CCDC125: variants seen among roughly 807,000 people sequenced by gnomAD.
CCDC125 encodes the protein coiled-coil domain-containing protein 125.
In CCDC125, 43 loss-of-function variants were observed where a neutral mutation model predicts 57.4. The observed-to-expected ratio is 0.75, with a 90% confidence interval of 0.59 to 0.97. The LOEUF (loss-of-function observed/expected upper bound fraction) is 0.97, where lower values mean the gene tolerates loss of function less well. Ranked by LOEUF, CCDC125 falls within the 50% of genes least tolerant of loss-of-function variation. The probability of loss-of-function intolerance (pLI) is 0.00; values close to 1 mark genes in which losing one functional copy is unlikely to be tolerated. For synonymous variants in CCDC125, 187 were observed against 195.2 expected, an observed-to-expected ratio of 0.96 and a Z score of 0.35; for missense variants, 563 against 595.7, an observed-to-expected ratio of 0.95 and a Z score of 0.57.
At chr5:69,323,489 G>T (rs911567928) in intron 1 of CCDC125, among the ~76,000 whole-genome samples, 6 of 151,930 alleles carry the variant, frequency 3.9e-5, no homozygotes, top group Non-Finnish European at 8.8e-5. Flanking sequence ...TCTGAGTCCT[G>T]CAAATTCGTC....
At chr5:69,329,959 T>C (rs12187268) in intron 1 of CCDC125, among the ~76,000 whole-genome samples, 54,547 of 152,088 alleles carry the variant, frequency 0.36, 10,736 homozygotes, top group East Asian at 0.5. Flanking sequence ...GATTACAGTC[T>C]GTTAGCAGTC....
chr5:69,273,305 T>G, the CCDC125 span, among the ~76,000 whole-genome samples: 4 of 148,080 alleles, frequency 2.7e-5, no homozygotes, highest in Non-Finnish European at 5.9e-5. Flanking sequence ...CTATTTCACA[T>G]AATTGGCTTG....
chr5:69,309,100 A>T (rs1307271812), intron 4 of CCDC125: 1 of 152,252 alleles, frequency 6.6e-6, no homozygotes, highest in Non-Finnish European at 1.5e-5. Flanking sequence ...AGGGAAGCAC[A>T]GCATAAAAGT....
intron 10 of CCDC125, among the ~76,000 whole-genome samples, chr5:69,286,138 T>C (rs1027632226): frequency 7.2e-6 from 1 of 139,364 alleles, no homozygotes; most frequent in Admixed American, 7.6e-5. Context: ...GAAGGTTACA[T>C]TACAATGTGA....
intron 10 of CCDC125, among the ~76,000 whole-genome samples, chr5:69,291,099 T>A (rs1478106424): frequency 6.6e-6 from 1 of 152,220 alleles, no homozygotes; most frequent in South Asian, 2.1e-4. Context: ...AGAATTTTTC[T>A]ACAAAACATT....
At chr5:69,275,406 G>C (rs1240135290), downstream of CCDC125, among the ~76,000 whole-genome samples, 4 of 152,080 alleles carry the variant, frequency 2.6e-5, no homozygotes, top group East Asian at 5.8e-4. Flanking sequence ...TGGCCAACTT[G>C]TAAGTTCTTT....
intron 10 of CCDC125, among the ~76,000 whole-genome samples, chr5:69,286,380 C>T (rs975881709): frequency 3.3e-5 from 5 of 150,756 alleles, no homozygotes; most frequent in Admixed American, 6.6e-5. Flanking sequence ...TACAGGCGCC[C>T]GCCACCACGT....
the CCDC125 span, among the ~76,000 whole-genome samples, chr5:69,275,064 CAAAA>C: frequency 9.3e-6 from 1 of 107,084 alleles, no homozygotes; most frequent in African/African-American, 3.1e-5. Flanking sequence ...ACTCTGTATC[CAAAA>C]AAAAAAAAAA....
At position 69,286,345 on chromosome 5, in the gene CCDC125, C is replaced by T. The variant is rs376712990; in HGVS notation, c.1100-878G>A. Among the ~76,000 whole-genome samples the T allele has an allele frequency of 4.6e-4, 69 of 150,568 alleles. No individual in the cohort carries two copies. The East Asian group carries it at 7.6e-3, about 17-fold the overall frequency. ...CTCCCGGGTTCGCGCCATTCTCCTG[C>T]CTCAGCCTCCCGAGTAGCTGGGACT... On this transcript the variant is annotated intron_variant, in intron 10 of 11. Transcript: ENST00000396496.
At chr5:69,302,912 A>G (rs757853492) in intron 7 of CCDC125, among the ~76,000 whole-genome samples, 3 of 152,166 alleles carry the variant, frequency 2.0e-5, no homozygotes, top group Non-Finnish European at 4.4e-5. Flanking sequence ...TAAAAAGGAG[A>G]AAATGGGGAG....
intron 11 of CCDC125, among the ~76,000 whole-genome samples, chr5:69,285,056 C>T (rs1753088674): frequency 2.0e-5 from 3 of 152,010 alleles, no homozygotes; most frequent in African/African-American, 4.8e-5. Flanking sequence ...GAGATCGCGC[C>T]GCTGCACTCC....
chr5:69,322,408 A>T (rs1760170437), intron 1 of CCDC125, among the ~76,000 whole-genome samples: 2 of 151,966 alleles, frequency 1.3e-5, no homozygotes, highest in Admixed American at 1.3e-4. Context: ...TGGTTCCAGG[A>T]CCCCTGTGTA....
At chr5:69,301,061 T>C (rs1263109615) in intron 7 of CCDC125, among the ~76,000 whole-genome samples, 1 of 135,968 alleles carries the variant, frequency 7.4e-6, no homozygotes, top group African/African-American at 2.8e-5. Flanking sequence ...GCCATTGCAC[T>C]CTAGCCTGGG....
chr5:69,292,306 T>C lies in CCDC125; in HGVS notation c.981A>G (p.Arg327=). Residue 327 remains arginine (R), a synonymous_variant, in exon 10 of 12, where the codon AGA becomes AGG. Coordinates refer to ENST00000396496, the MANE Select transcript of CCDC125 (RefSeq NM_176816.5). ...EEAYVMADAF[R]IAFEQQLMRK... is the part of the protein sequence containing the mutation. ...TCATTAATTGTTGCTCAAATGCAAT[T>C]CTGAAAGCATCTGCCATCACGTAAG... is the stretch of plus-strand genomic sequence containing the variant. The C allele has an allele frequency of 1.2e-6, 2 of 1,613,932 alleles. No individual in the cohort carries two copies. Among genetic ancestry groups the C allele is most frequent in the Non-Finnish European group, 1.7e-6 (2 of 1,179,922 alleles).
At chr5:69,284,408 G>A (rs1479241593) in intron 11 of CCDC125, among the ~76,000 whole-genome samples, 1 of 152,076 alleles carries the variant, frequency 6.6e-6, no homozygotes, top group Non-Finnish European at 1.5e-5. Flanking sequence ...GGACTGTAAA[G>A]GATATAATGT....
chr5:69,296,630 A>T (rs1343565582), intron 8 of CCDC125, among the ~76,000 whole-genome samples: 1 of 152,124 alleles, frequency 6.6e-6, no homozygotes, highest in Non-Finnish European at 1.5e-5. Context: ...GAAGAAAAGT[A>T]GTATAATAAT....
At chr5:69,306,997 T>C in intron 5 of CCDC125, 95 bp from the exon 6 acceptor site, 2 of 1,286,122 alleles carry the variant, frequency 1.6e-6, no homozygotes, top group Admixed American at 6.4e-5. Context: ...TAATCAGTTC[T>C]CAGAAATGGT....
chr5:69,283,782 C>G (rs1285969622), intron 11 of CCDC125, among the ~76,000 whole-genome samples: 1 of 144,206 alleles, frequency 6.9e-6, no homozygotes, highest in Non-Finnish European at 1.5e-5. Context: ...GCCACCATGC[C>G]AGGCTGACAA....
At chr5:69,327,958 G>A (rs1760937078) in intron 1 of CCDC125, among the ~76,000 whole-genome samples, 3 of 152,258 alleles carry the variant, frequency 2.0e-5, no homozygotes, top group Middle Eastern at 3.4e-3. Context: ...GTGCAATGGC[G>A]CAATCTCAGC....
Sources: allele counts gnomAD v4.1 joint callset (sites outside exome capture counted in the v4.1 genomes callset), GRCh38; gene constraint gnomAD v4.1.1; transcripts MANE v1.5; gene names NCBI Gene and HGNC (gene_info 2026-07-23, HGNC 2026-07-21).